SLIT3: variants seen among roughly 807,000 people sequenced by gnomAD.
The protein encoded by SLIT3 is slit homolog 3 protein.
SLIT3 carries 68 observed loss-of-function variants against 184.0 expected under a neutral mutation model. The ratio of observed to expected loss-of-function variants is 0.37; its 90% CI spans 0.30 to 0.45. The LOEUF is 0.45. Ranked by LOEUF, SLIT3 falls within the 20% of genes least tolerant of loss-of-function variation. The pLI is 1.00. For synonymous variants in SLIT3, 831 were observed against 828.6 expected (o/e 1.00, Z -0.05); for missense variants, 1,707 against 2,026.0 (o/e 0.84, Z 3.02).
At chr5:169,044,247 A>C (rs1757545235) in intron 4 of SLIT3, among the ~76,000 whole-genome samples, 1 of 152,196 alleles carries the variant, frequency 6.6e-6, no homozygotes, top group Non-Finnish European at 1.5e-5. Flanking sequence ...CAGAAAGTTA[A>C]ATATAGAATT....
intron 4 of SLIT3, among the ~76,000 whole-genome samples, chr5:169,103,318 T>C (rs186951634): frequency 2.2e-4 from 33 of 152,356 alleles, no homozygotes; most frequent in African/African-American, 7.2e-4. Context: ...TTATTTGAAG[T>C]GGAGGTTCAG....
chr5:169,013,796 TAC>T (rs1175327476), intron 4 of SLIT3, among the ~76,000 whole-genome samples: 1 of 152,186 alleles, frequency 6.6e-6, no homozygotes. Context: ...CCTCCAAACC[TAC>T]AGTTACTTAC....
rs996605370 is a variant in SLIT3, at chr5:168,749,567, C to T, written c.2042G>A (p.Arg681Lys). Residue 681 changes from arginine to lysine, a missense_variant, in exon 19 of 36, where the codon AGG (arginine) becomes AAG (lysine). Around this residue, in one of 3 missense-constraint regions of SLIT3, gnomAD observed 1,307 missense variants for 1,511.6 expected, o/e 0.86. Transcript: ENST00000519560. ...CCTAGGGTTCCCACTGACGATCCGC[C>T]TCTTCCTCAACCACTTGCCGAGCCA... The part of the protein sequence containing the change: ...LAWLGKWLRK[R>K]RIVSGNPRCQ... 1.2e-6 allele frequency: 2 copies of T among 1,614,226 alleles called. No individual in the cohort carries two copies. Among genetic ancestry groups the T allele is most frequent in the Non-Finnish European group, 1.7e-6 (2 of 1,180,044 alleles).
chr5:168,853,409 A>T (rs1241344066), intron 5 of SLIT3, among the ~76,000 whole-genome samples: 1 of 152,244 alleles, frequency 6.6e-6, no homozygotes, highest in Non-Finnish European at 1.5e-5. Context: ...CACCTAAAAT[A>T]GTCAAATGCC....
chr5:169,174,053 G>A (rs1762895519), intron 4 of SLIT3, among the ~76,000 whole-genome samples: 2 of 152,140 alleles, frequency 1.3e-5, no homozygotes, highest in South Asian at 4.1e-4. Context: ...TTACAAACCA[G>A]TAAGGATATG....
At chr5:169,190,978 T>C (rs542678724) in intron 4 of SLIT3, among the ~76,000 whole-genome samples, 42 of 152,346 alleles carry the variant, frequency 2.8e-4, no homozygotes, top group African/African-American at 1.0e-3. Flanking sequence ...TGGGTTAATA[T>C]AGCTGCTTCA....
chr5:169,088,284 C>T (rs1235990895), intron 4 of SLIT3, among the ~76,000 whole-genome samples: 1 of 152,090 alleles, frequency 6.6e-6, no homozygotes, highest in African/African-American at 2.4e-5. Flanking sequence ...CCAGGTGGTT[C>T]ACGGTGTTTC....
chr5:169,029,178 A>G (rs1756937303), intron 4 of SLIT3, among the ~76,000 whole-genome samples: 1 of 152,238 alleles, frequency 6.6e-6, no homozygotes, highest in Admixed American at 6.5e-5. Context: ...ACCAAATCCA[A>G]GAGAATCTAT....
intron 4 of SLIT3, among the ~76,000 whole-genome samples, chr5:169,053,033 A>G (rs1757869538): frequency 6.6e-6 from 1 of 152,250 alleles, no homozygotes; most frequent in African/African-American, 2.4e-5. Flanking sequence ...GAACCACATC[A>G]GAACAAGACC....
At chr5:169,249,952 T>C (rs1162792945) in intron 2 of SLIT3, among the ~76,000 whole-genome samples, 1 of 152,248 alleles carries the variant, frequency 6.6e-6, no homozygotes, top group Non-Finnish European at 1.5e-5. Context: ...CCCACACATG[T>C]GTACATAACA....
At chr5:168,992,081 C>T (rs1185797742) in intron 4 of SLIT3, among the ~76,000 whole-genome samples, 1 of 152,248 alleles carries the variant, frequency 6.6e-6, no homozygotes, top group Admixed American at 6.5e-5. Flanking sequence ...AGCATTTTTA[C>T]CCTTTGGCCC....
Position 168,662,321 on chromosome 5 carries a change from C to G in SLIT3, c.*4133G>C, listed in dbSNP as rs896446552. ...GGTCACTTGTTGCTATGGGCTTCTG[C>G]TCCCAGCAAAGGCAGTGGGTGACTG... On this transcript the variant is annotated 3_prime_UTR_variant, in exon 36 of 36. Coordinates refer to ENST00000519560, the MANE Select transcript of SLIT3 (RefSeq NM_003062.4). The G allele has an allele frequency of 5.3e-5, 8 of 152,244 alleles. No homozygotes were observed. Among genetic ancestry groups the G allele is most frequent in the African/African-American group, 1.9e-4 (8 of 41,460 alleles). The allele number at this position is 152,244 out of a possible 1,614,324, so 9.4% of individuals were successfully genotyped here. A position where few individuals can be genotyped will look rare whatever the true frequency, so the allele number is the denominator to read the frequency against.
At chr5:169,263,010 G>T (rs1766250399) in intron 1 of SLIT3, among the ~76,000 whole-genome samples, 1 of 152,182 alleles carries the variant, frequency 6.6e-6, no homozygotes, top group Non-Finnish European at 1.5e-5. Context: ...GGTCATTAGG[G>T]TGGACCCTAA....
Position 169,251,513 on chromosome 5 carries a change from A to G in SLIT3, c.198-54T>C, listed in dbSNP as rs1765774310. On this transcript the variant is annotated intron_variant, in intron 1 of 35. Transcript: ENST00000519560. ...TTTTTGTGGGTTACAATTACGGTCT[A>G]TTTAATCCAGACTGGCTTGGACTGA... 4.9e-6 allele frequency: 6 copies of G among 1,213,160 alleles called. No homozygotes were observed. In the Admixed American group the frequency reaches 5.0e-5, roughly 10 times the overall value. 75.1% of individuals were successfully genotyped at this position (1,213,160 alleles called of 1,614,324 possible). A position where few individuals can be genotyped will look rare whatever the true frequency, so the allele number is the denominator to read the frequency against.
intron 6 of SLIT3, among the ~76,000 whole-genome samples, chr5:168,834,619 G>A (rs748742047): frequency 1.3e-3 from 198 of 148,174 alleles, no homozygotes; most frequent in Admixed American, 2.4e-3. Context: ...CCTGGGAGGT[G>A]GAGGTTGCAG....
chr5:169,006,343 G>C (rs1755927333), intron 4 of SLIT3, among the ~76,000 whole-genome samples: 2 of 152,166 alleles, frequency 1.3e-5, no homozygotes, highest in African/African-American at 4.8e-5. Context: ...AGAGTTGGCA[G>C]ATCTGGATTG....
intron 4 of SLIT3, among the ~76,000 whole-genome samples, chr5:169,156,634 T>C (rs900752529): frequency 2.0e-5 from 3 of 152,170 alleles, no homozygotes; most frequent in Non-Finnish European, 2.9e-5. Flanking sequence ...CACTAAGAGA[T>C]TGAAAGGTAA....
At chr5:168,799,901 G>T (rs1427803265) in intron 9 of SLIT3, among the ~76,000 whole-genome samples, 1 of 152,156 alleles carries the variant, frequency 6.6e-6, no homozygotes, top group Non-Finnish European at 1.5e-5. Context: ...GTGAATGGTG[G>T]AGCCTGAATT....
In SLIT3 at chr5:168,669,895, A is replaced by G. The variant is rs764859339; in HGVS notation, c.4224T>C (p.Ser1408=). Residue 1408 remains serine, a synonymous_variant, in exon 35 of 36, where the codon TCT becomes TCC. Coordinates refer to ENST00000519560, the MANE Select transcript of SLIT3 (RefSeq NM_003062.4). ...ACTTGAAGGCTGAGCAGGCATTGGCAGAGTCATTCTTGTTGTCACACAAGT... is the reference window on the plus strand; with the variant it reads ...ACTTGAAGGCTGAGCAGGCATTGGCGGAGTCATTCTTGTTGTCACACAAGT... ...GGDLCDNKND[S]ANACSAFKCH... is the part of the protein sequence containing the mutation. The G allele has an allele frequency of 6.2e-7, 1 of 1,614,200 alleles. No individual in the cohort carries two copies. The highest frequency in any genetic ancestry group is 1.1e-5 in the South Asian group (1 of 91,082).
Sources: allele counts gnomAD v4.1 joint callset (sites outside exome capture counted in the v4.1 genomes callset), GRCh38; gene constraint gnomAD v4.1.1; regional missense constraint gnomAD v4.1.1; transcripts MANE v1.5; gene names NCBI Gene and HGNC (gene_info 2026-07-23, HGNC 2026-07-21).